GALNTL6: variants seen among roughly 807,000 people sequenced by gnomAD.
GALNTL6 encodes polypeptide N-acetylgalactosaminyltransferase like 6.
A neutral mutation model predicts 73.7 loss-of-function variants in GALNTL6; 46 were observed. That is an observed-to-expected ratio of 0.62 (90% CI 0.49 to 0.80). The LOEUF is 0.80. GALNTL6 is among the 30% of genes least tolerant of loss of function. The pLI is 0.00. For synonymous variants in GALNTL6, 259 were observed against 263.7 expected (o/e 0.98, Z 0.17); for missense variants, 604 against 755.0 (o/e 0.80, Z 2.34).
At chr4:172,800,091 T>C (rs757909680) in intron 5 of GALNTL6, among the ~76,000 whole-genome samples, 32 of 152,106 alleles carry the variant, frequency 2.1e-4, no homozygotes, top group Admixed American at 4.6e-4. Context: ...GAAGGTATAA[T>C]GGTGGTTGCC....
intron 2 of GALNTL6, among the ~76,000 whole-genome samples, chr4:172,194,064 C>T (rs1386592082): frequency 6.6e-6 from 1 of 151,928 alleles, no homozygotes; most frequent in Non-Finnish European, 1.5e-5. Context: ...ATGTTCTGAC[C>T]CAAAGCAAAG....
chr4:172,838,281 A>G (rs1340431118), intron 7 of GALNTL6, among the ~76,000 whole-genome samples: 1 of 152,154 alleles, frequency 6.6e-6, no homozygotes, highest in African/African-American at 2.4e-5. Flanking sequence ...GCAGATGTAG[A>G]CAAAGACTAT....
intron 3 of GALNTL6, among the ~76,000 whole-genome samples, chr4:172,284,792 G>T (rs1323619809): frequency 1.3e-5 from 2 of 152,082 alleles, no homozygotes; most frequent in South Asian, 2.1e-4. Flanking sequence ...AGATCAGCTG[G>T]CTGTGGATAT....
chr4:172,901,149 C>T (rs1256121028), intron 8 of GALNTL6, among the ~76,000 whole-genome samples: 1 of 152,174 alleles, frequency 6.6e-6, no homozygotes, highest in African/African-American at 2.4e-5. Flanking sequence ...TTGGTGACAG[C>T]TCTGTCTTAA....
intron 5 of GALNTL6, among the ~76,000 whole-genome samples, chr4:172,740,100 C>A (rs1579420363): frequency 6.6e-6 from 1 of 151,936 alleles, no homozygotes; most frequent in African/African-American, 2.4e-5. Flanking sequence ...GTTTTCTGCT[C>A]CCTGGATATT....
At chr4:172,191,225 T>C (rs1165779673) in intron 2 of GALNTL6, among the ~76,000 whole-genome samples, 1 of 152,214 alleles carries the variant, frequency 6.6e-6, no homozygotes, top group Admixed American at 6.5e-5. Flanking sequence ...ACCACTATGG[T>C]CTCACTTACT....
intron 5 of GALNTL6, among the ~76,000 whole-genome samples, chr4:172,602,480 A>G (rs990999406): frequency 2.6e-5 from 4 of 152,152 alleles, no homozygotes; most frequent in Admixed American, 2.6e-4. Flanking sequence ...AGTGTAAAAC[A>G]TTATTTAAAT....
rs77840030 is a variant in GALNTL6, at chr4:172,016,933, T to C, written c.138+202215T>C. ...TTATATTCTTGATGTGTGGTCACTG[T>C]CTCCTGTGGAATTGGAATGACAGTA... On this transcript the variant is annotated intron_variant, in intron 2 of 12. Transcript: ENST00000506823. 1.2e-4 allele frequency among the ~76,000 whole-genome samples: 19 copies of C among 152,232 alleles called. No homozygotes were observed. The East Asian group carries it at 3.5e-3, about 28-fold the overall frequency.
intron 3 of GALNTL6, among the ~76,000 whole-genome samples, chr4:172,231,173 AT>A (rs372578922): frequency 1.3e-5 from 2 of 151,906 alleles, no homozygotes; most frequent in African/African-American, 4.8e-5. Flanking sequence ...TAGTACTTTT[AT>A]TTTTTTCCTC....
At chr4:172,988,881 G>A (rs1469245047) in intron 10 of GALNTL6, among the ~76,000 whole-genome samples, 4 of 152,222 alleles carry the variant, frequency 2.6e-5, no homozygotes, top group Non-Finnish European at 4.4e-5. Flanking sequence ...TTCAGGCTTG[G>A]GAGCCTCCAT....
At chr4:172,751,977 T>A (rs925199650) in intron 5 of GALNTL6, among the ~76,000 whole-genome samples, 15 of 151,142 alleles carry the variant, frequency 9.9e-5, no homozygotes, top group African/African-American at 3.7e-4. Context: ...CATTATTAGA[T>A]TAATAGACTA....
chr4:172,137,422 G>A (rs1733667943), intron 2 of GALNTL6, among the ~76,000 whole-genome samples: 1 of 152,132 alleles, frequency 6.6e-6, no homozygotes, highest in Non-Finnish European at 1.5e-5. Context: ...GTACAAGATT[G>A]GAATATGGTA....
intron 5 of GALNTL6, among the ~76,000 whole-genome samples, chr4:172,633,858 G>A (rs1463188521): frequency 6.6e-6 from 1 of 152,178 alleles, no homozygotes; most frequent in African/African-American, 2.4e-5. Context: ...AGATCTGATG[G>A]TTTTATAAAT....
In GALNTL6 at chr4:171,988,947, G is replaced by A. The variant is rs561951609; in HGVS notation, c.138+174229G>A. ...GGGGGAAAAGGTGGCAATGAGGTGT[G>A]GCTGTAGCCTAGGAATAGTCAGGGA... On this transcript the variant is annotated intron_variant, in intron 2 of 12. Coordinates refer to ENST00000506823, the MANE Select transcript of GALNTL6 (RefSeq NM_001034845.3). Among the ~76,000 whole-genome samples, 103 of 151,980 alleles carry A rather than the reference G, an allele frequency of 6.8e-4. 1 individual carries two copies. In the South Asian group the frequency reaches 0.014, roughly 21 times the overall value.
At chr4:172,973,959 T>A (rs1750694083) in intron 10 of GALNTL6, among the ~76,000 whole-genome samples, 1 of 152,236 alleles carries the variant, frequency 6.6e-6, no homozygotes. Context: ...CAAAGCTCAA[T>A]GATTGGCTCA....
At chr4:171,962,023 T>G (rs1245117060) in intron 2 of GALNTL6, among the ~76,000 whole-genome samples, 4 of 152,238 alleles carry the variant, frequency 2.6e-5, no homozygotes, top group African/African-American at 4.8e-5. Flanking sequence ...TATAACCTTT[T>G]GTCAGAACGC....
intron 2 of GALNTL6, among the ~76,000 whole-genome samples, chr4:172,007,546 T>C (rs1029053146): frequency 6.6e-6 from 1 of 151,978 alleles, no homozygotes; most frequent in Admixed American, 6.6e-5. Context: ...TACAACAATA[T>C]CGATCATTCA....
chr4:172,558,167 T>C (rs1295004748), intron 5 of GALNTL6, among the ~76,000 whole-genome samples: 1 of 152,134 alleles, frequency 6.6e-6, no homozygotes, highest in Non-Finnish European at 1.5e-5. Context: ...AGGCAAGAAC[T>C]AAATTATGAA....
intron 7 of GALNTL6, among the ~76,000 whole-genome samples, chr4:172,869,810 C>G (rs1262856873): frequency 6.6e-6 from 1 of 152,200 alleles, no homozygotes; most frequent in East Asian, 1.9e-4. Context: ...ACTCTACCCT[C>G]TGCTCTAGAA....
Sources: allele counts gnomAD v4.1 joint callset (sites outside exome capture counted in the v4.1 genomes callset), GRCh38; gene constraint gnomAD v4.1.1; transcripts MANE v1.5; gene names NCBI Gene and HGNC (gene_info 2026-07-23, HGNC 2026-07-21).